The following DPP6 variants were observed in gnomAD, a reference collection of about 807,000 sequenced individuals.
The protein encoded by DPP6 is dipeptidyl peptidase like 6.
A neutral mutation model predicts 122.6 loss-of-function variants in DPP6; 69 were observed. That is an observed-to-expected ratio of 0.56 (90% CI 0.46 to 0.69). DPP6 has a LOEUF of 0.69. DPP6 is among the 30% of genes least tolerant of loss of function. The pLI, the probability that DPP6 is intolerant of heterozygous loss-of-function variation, is 0.00. For synonymous variants in DPP6, 418 were observed against 433.1 expected (o/e 0.97, Z 0.43); for missense variants, 928 against 1,116.9 (o/e 0.83, Z 2.41).
chr7:153,879,522 T>C, the DPP6 span, among the ~76,000 whole-genome samples: 1 of 152,128 alleles, frequency 6.6e-6, no homozygotes, highest in Non-Finnish European at 1.5e-5. Context: ...CCCGAGTAGC[T>C]GGGACTGCAG....
intron 17 of DPP6, among the ~76,000 whole-genome samples, chr7:154,854,568 C>A (rs1310479394): frequency 6.6e-6 from 1 of 152,092 alleles, no homozygotes; most frequent in Non-Finnish European, 1.5e-5. Flanking sequence ...GGGGTGGAGA[C>A]CTCTTGCTAA....
intron 1 of DPP6, among the ~76,000 whole-genome samples, chr7:154,258,884 C>T (rs143769431): frequency 6.6e-6 from 1 of 152,278 alleles, no homozygotes; most frequent in Admixed American, 6.5e-5. Flanking sequence ...CATAGTTTCA[C>T]ACAAGTTATA....
chr7:154,665,737 C>G lies in DPP6; in HGVS notation c.681-3623C>G, dbSNP rs1838107516. 2.0e-5 allele frequency among the ~76,000 whole-genome samples: 3 copies of G among 152,076 alleles called. No individual in the cohort carries two copies. In the South Asian group the frequency reaches 6.2e-4, roughly 32 times the overall value. On this transcript the variant is annotated intron_variant, in intron 6 of 25. Coordinates refer to ENST00000377770, the MANE Select transcript of DPP6 (RefSeq NM_130797.4). The stretch of plus-strand genomic sequence containing the variant: ...ATGTATACTAACCCATGGACACACA[C>G]ATATCTATATTTTGGATCTATCTGT...
rs12666480 is a variant in DPP6 at position 154,624,984 on chromosome 7, C to T, written c.628-12837C>T. 0.37 allele frequency among the ~76,000 whole-genome samples: 56,573 copies of T among 152,076 alleles called. 10,977 individuals carry two copies. Among genetic ancestry groups the T allele is most frequent in the East Asian group, 0.68 (3,537 of 5,172 alleles). The stretch of plus-strand genomic sequence containing the variant: ...CATAAACTGTGACATCACCATCACC[C>T]GGACACCAGTGGGATTTATGTTGTG... On this transcript the variant is annotated intron_variant, in intron 5 of 25. Transcript: ENST00000377770. The surrounding 1 kb of genome is among the most constrained non-coding windows in gnomAD (Gnocchi z 4.7).
intron 3 of DPP6, among the ~76,000 whole-genome samples, chr7:154,529,480 C>T (rs1389230476): frequency 6.6e-6 from 1 of 152,090 alleles, no homozygotes; most frequent in Non-Finnish European, 1.5e-5. Flanking sequence ...AAATTAATAT[C>T]CATAATGTCT....
At chr7:153,983,720 G>A (rs536885015) in intron 1 of DPP6, among the ~76,000 whole-genome samples, 9 of 152,074 alleles carry the variant, frequency 5.9e-5, no homozygotes, top group Non-Finnish European at 7.4e-5. Flanking sequence ...TGTGAAGACC[G>A]TGGGAAAAGC....
At chr7:154,546,910 T>G (rs937502637) in intron 4 of DPP6, among the ~76,000 whole-genome samples, 8 of 152,226 alleles carry the variant, frequency 5.3e-5, no homozygotes, top group Non-Finnish European at 1.0e-4. Context: ...AATTCTCACT[T>G]TATTCTATGT....
chr7:154,484,481 C>T (rs1823616373), intron 3 of DPP6, among the ~76,000 whole-genome samples: 1 of 152,252 alleles, frequency 6.6e-6, no homozygotes, highest in Non-Finnish European at 1.5e-5. Context: ...CCCCTCTCCT[C>T]CCGTCTCCTC....
chr7:154,164,077 G>T (rs545432302), intron 1 of DPP6, among the ~76,000 whole-genome samples: 2 of 152,148 alleles, frequency 1.3e-5, no homozygotes, highest in Non-Finnish European at 2.9e-5. Context: ...CCTCTTCCAG[G>T]CACCCAAGGT....
At chr7:153,878,492 G>A in the DPP6 span, among the ~76,000 whole-genome samples, 1 of 151,974 alleles carries the variant, frequency 6.6e-6, no homozygotes, top group Non-Finnish European at 1.5e-5. Context: ...CAATATCTCC[G>A]AGTCTCCCAA....
At chr7:154,536,669 T>C (rs186897581) in intron 3 of DPP6, among the ~76,000 whole-genome samples, 104 of 152,118 alleles carry the variant, frequency 6.8e-4, no homozygotes, top group African/African-American at 2.2e-3. Context: ...TAAGGGAAAA[T>C]TTCCAGATAG....
At chr7:154,161,246 C>T (rs1400684893) in intron 1 of DPP6, among the ~76,000 whole-genome samples, 2 of 152,274 alleles carry the variant, frequency 1.3e-5, no homozygotes, top group Non-Finnish European at 2.9e-5. Flanking sequence ...TTTGTAAACC[C>T]AGCACTTTGG....
chr7:154,420,143 C>A (rs754843913), intron 1 of DPP6, among the ~76,000 whole-genome samples: 1 of 152,154 alleles, frequency 6.6e-6, no homozygotes, highest in Non-Finnish European at 1.5e-5. Context: ...TTGAGACTAG[C>A]CTGGCCAAAA....
At chr7:154,109,145 C>T (rs1338784120) in intron 1 of DPP6, among the ~76,000 whole-genome samples, 1 of 152,176 alleles carries the variant, frequency 6.6e-6, no homozygotes, top group African/African-American at 2.4e-5. Context: ...GATTTCGAGG[C>T]ATAATGTTTT....
At chr7:154,235,393 A>G (rs62484145) in intron 1 of DPP6, among the ~76,000 whole-genome samples, 22,711 of 147,070 alleles carry the variant, frequency 0.15, 2,822 homozygotes, top group African/African-American at 0.35. Flanking sequence ...GTGTTTTACA[A>G]CCCCTTTCCA....
At chr7:154,431,542 T>C (rs1457747444) in intron 1 of DPP6, among the ~76,000 whole-genome samples, 5 of 144,968 alleles carry the variant, frequency 3.4e-5, no homozygotes, top group South Asian at 2.2e-4. Context: ...TTCTTTTTTT[T>C]TTTTTTTTTG....
intron 3 of DPP6, among the ~76,000 whole-genome samples, chr7:154,538,457 T>C (rs1304813406): frequency 6.6e-6 from 1 of 152,044 alleles, no homozygotes; most frequent in Non-Finnish European, 1.5e-5. Context: ...ATTGTTCAGC[T>C]CCCCACTGCA....
At chr7:153,847,868 C>A in the DPP6 span, among the ~76,000 whole-genome samples, 1 of 152,162 alleles carries the variant, frequency 6.6e-6, no homozygotes, top group Non-Finnish European at 1.5e-5. Context: ...CTTTTGTCCC[C>A]TCCCATTTCT....
chr7:154,575,364 GATGTGTGTGTA>G (rs1831531000), intron 5 of DPP6, among the ~76,000 whole-genome samples: 5 of 59,552 alleles, frequency 8.4e-5, no homozygotes, highest in African/African-American at 3.2e-4. Flanking sequence ...GTGTGTGTGT[GATGTGTGTGTA>G]TGTGTGTGAT....
Sources: allele counts gnomAD v4.1 joint callset (sites outside exome capture counted in the v4.1 genomes callset), GRCh38; gene constraint gnomAD v4.1.1; non-coding constraint Gnocchi (gnomAD v3.1); transcripts MANE v1.5; gene names NCBI Gene and HGNC (gene_info 2026-07-23, HGNC 2026-07-21).